Variants in PHLPP1 observed in about 807,000 individuals in gnomAD.
The protein encoded by PHLPP1 is PH domain leucine-rich repeat-containing protein phosphatase 1.
Under a neutral mutation model 117.2 loss-of-function variants are expected in PHLPP1, and 42 were observed. The observed-to-expected ratio is 0.36, with a 90% CI of 0.28 to 0.46. The LOEUF (loss-of-function observed/expected upper bound fraction) is 0.46, where lower values mean the gene tolerates loss of function less well. Among genes scored for constraint, PHLPP1 ranks in the 20% least tolerant of loss-of-function variants. The pLI is 1.00. For missense variants in PHLPP1, 2,084 were observed against 2,241.9 expected (o/e 0.93, Z 1.42); for synonymous variants, 1,042 against 970.7 (o/e 1.07, Z -1.37).
Position 62,978,227 on chromosome 18 carries a change from A to G in PHLPP1, c.3985-35A>G. ...TGCACAGTTGCCGCAGGTGCTCTGT[A>G]TTAACTGTCTGTCTGCAAACCCTTG... On this transcript the variant is annotated intron_variant, in intron 16 of 16. Transcript: ENST00000262719. The surrounding 1 kb of genome is among the most constrained non-coding windows in gnomAD (Gnocchi z 7.0). 2 of 1,336,594 alleles carry G rather than the reference A, an allele frequency of 1.5e-6. No homozygotes were observed. Among genetic ancestry groups the G allele is most frequent in the Non-Finnish European group, 2.1e-6 (2 of 950,324 alleles). 82.8% of individuals were successfully genotyped at this position (1,336,594 alleles called of 1,614,324 possible). A position where few individuals can be genotyped will look rare whatever the true frequency, so the allele number is the denominator to read the frequency against.
chr18:62,823,511 GC>G (rs1315289864), intron 1 of PHLPP1, among the ~76,000 whole-genome samples: 4 of 151,840 alleles, frequency 2.6e-5, no homozygotes, highest in Non-Finnish European at 5.9e-5. Context: ...ACTGTAGCAA[GC>G]TGTGATGGTG....
At chr18:62,774,261 A>G (rs757076651) in intron 1 of PHLPP1, among the ~76,000 whole-genome samples, 1 of 152,122 alleles carries the variant, frequency 6.6e-6, no homozygotes, top group Non-Finnish European at 1.5e-5. Flanking sequence ...CTGCAGCTGA[A>G]TTCAGCTATT....
At chr18:62,775,582 A>G (rs1387603555) in intron 1 of PHLPP1, among the ~76,000 whole-genome samples, 1 of 152,246 alleles carries the variant, frequency 6.6e-6, no homozygotes, top group African/African-American at 2.4e-5. Flanking sequence ...CAGTAGAACC[A>G]CAGTTGAGTG....
intron 1 of PHLPP1, among the ~76,000 whole-genome samples, chr18:62,823,859 C>T (rs796429219): frequency 5.3e-5 from 8 of 152,142 alleles, no homozygotes; most frequent in African/African-American, 1.2e-4. Flanking sequence ...GGGCCAGGCG[C>T]GGTGGCTTAT....
At chr18:62,766,076 A>AAAAAAAAAATATATAT in intron 1 of PHLPP1, among the ~76,000 whole-genome samples, 2 of 21,660 alleles carry the variant, frequency 9.2e-5, no homozygotes, top group African/African-American at 3.0e-4. Context: ...AAAAAAAAAA[A>AAAAAAAAAATATATAT]ATATATATAT....
intron 3 of PHLPP1, among the ~76,000 whole-genome samples, chr18:62,849,830 A>ATATATATATAT (rs1465429883): frequency 9.4e-5 from 2 of 21,192 alleles, no homozygotes; most frequent in African/African-American, 3.7e-4. Flanking sequence ...AAAAAAAAAA[A>ATATATATATAT]AAATATATAT....
At chr18:62,811,766 G>A (rs1299589094) in intron 1 of PHLPP1, among the ~76,000 whole-genome samples, 2 of 152,086 alleles carry the variant, frequency 1.3e-5, no homozygotes, top group Admixed American at 1.3e-4. Flanking sequence ...GTTGAGAGAA[G>A]CCATCTATTT....
At chr18:62,943,044 A>G (rs932204638) in intron 11 of PHLPP1, among the ~76,000 whole-genome samples, 4 of 152,200 alleles carry the variant, frequency 2.6e-5, no homozygotes, top group African/African-American at 9.7e-5. Flanking sequence ...ACAGCAACCT[A>G]TCTGAAAGAG....
At chr18:62,721,151 C>T (rs1910904148) in intron 1 of PHLPP1, among the ~76,000 whole-genome samples, 1 of 151,968 alleles carries the variant, frequency 6.6e-6, no homozygotes, top group Non-Finnish European at 1.5e-5. Context: ...AGTGGTATTT[C>T]TTGTGAAATG....
chr18:62,787,208 GCTAACCC>G (rs1244708671), intron 1 of PHLPP1, among the ~76,000 whole-genome samples: 24 of 151,786 alleles, frequency 1.6e-4, no homozygotes, highest in Non-Finnish European at 2.2e-4. Context: ...TTGAAATATA[GCTAACCC>G]CAATTATCTG....
chr18:62,784,879 A>G (rs1913232489), intron 1 of PHLPP1, among the ~76,000 whole-genome samples: 2 of 152,238 alleles, frequency 1.3e-5, no homozygotes, highest in South Asian at 4.1e-4. Flanking sequence ...AAAATGAGTC[A>G]TAAAATCAGA....
At chr18:62,768,384 A>G (rs1912626795) in intron 1 of PHLPP1, among the ~76,000 whole-genome samples, 1 of 152,222 alleles carries the variant, frequency 6.6e-6, no homozygotes, top group Admixed American at 6.5e-5. Flanking sequence ...GAAGTACAGC[A>G]TGAACTTTTA....
At chr18:62,760,774 G>A (rs1912198502) in intron 1 of PHLPP1, among the ~76,000 whole-genome samples, 1 of 152,176 alleles carries the variant, frequency 6.6e-6, no homozygotes, top group African/African-American at 2.4e-5. Flanking sequence ...TGGGTTTTTT[G>A]TTTGTTATTA....
chr18:62,812,759 A>G (rs927947184), intron 1 of PHLPP1, among the ~76,000 whole-genome samples: 1 of 151,714 alleles, frequency 6.6e-6, no homozygotes, highest in African/African-American at 2.4e-5. Flanking sequence ...AAATAAATTC[A>G]GCTGGGAAGG....
chr18:62,869,367 A>T (rs1915845575), intron 4 of PHLPP1, among the ~76,000 whole-genome samples: 1 of 152,198 alleles, frequency 6.6e-6, no homozygotes, highest in Non-Finnish European at 1.5e-5. Flanking sequence ...GAAGTATAAA[A>T]AAACATAGAA....
chr18:62,901,094 T>A (rs1366664991), intron 6 of PHLPP1, among the ~76,000 whole-genome samples: 1 of 152,184 alleles, frequency 6.6e-6, no homozygotes, highest in African/African-American at 2.4e-5. Flanking sequence ...TTTTTTTGTC[T>A]CCTTATTAAT....
At chr18:62,745,072 A>T (rs1911637871) in intron 1 of PHLPP1, among the ~76,000 whole-genome samples, 1 of 152,238 alleles carries the variant, frequency 6.6e-6, no homozygotes, top group African/African-American at 2.4e-5. Flanking sequence ...GATATCATTT[A>T]AAAACAATAA....
intron 1 of PHLPP1, among the ~76,000 whole-genome samples, chr18:62,815,294 A>G (rs1033506280): frequency 9.9e-5 from 15 of 151,608 alleles, no homozygotes; most frequent in South Asian, 2.1e-4. Flanking sequence ...AGTAGCTGGG[A>G]CTACAGGCGC....
intron 1 of PHLPP1, among the ~76,000 whole-genome samples, chr18:62,784,834 G>A (rs1396150577): frequency 6.6e-5 from 10 of 152,098 alleles, no homozygotes; most frequent in Non-Finnish European, 1.2e-4. Context: ...CGTAGTTGCC[G>A]TAATTGAGAA....
Sources: gnomAD v4.1 joint callset for allele counts (sites outside exome capture counted in the v4.1 genomes callset) on GRCh38, gnomAD v4.1.1 for gene constraint, Gnocchi (gnomAD v3.1) non-coding constraint, MANE v1.5 for transcripts, NCBI Gene and HGNC (gene_info 2026-07-23, HGNC 2026-07-21) for gene names.